Variants in GRIK5 observed in about 807,000 individuals in gnomAD.
The protein encoded by GRIK5 is glutamate receptor ionotropic, kainate 5.
GRIK5 carries 43 observed loss-of-function variants against 97.4 expected under a neutral mutation model. The ratio of observed to expected loss-of-function variants is 0.44; its 90% CI spans 0.35 to 0.57. The LOEUF is 0.57. Among genes scored for constraint, GRIK5 ranks in the 20% least tolerant of loss-of-function variants. The pLI is 0.01. For synonymous variants in GRIK5, 580 were observed against 583.5 expected, an observed-to-expected ratio of 0.99 and a Z score of 0.09; for missense variants, 1,015 against 1,382.0, an observed-to-expected ratio of 0.73 and a Z score of 4.21.
intron 12 of GRIK5, among the ~76,000 whole-genome samples, chr19:42,038,566 AG>A (rs1207503552): frequency 3.3e-5 from 5 of 152,250 alleles, no homozygotes; most frequent in African/African-American, 9.6e-5. Flanking sequence ...AGCTCAGACA[AG>A]GGCCTGGCAC....
chr19:42,004,169 T>C (rs1462363644), intron 17 of GRIK5, among the ~76,000 whole-genome samples: 2 of 152,172 alleles, frequency 1.3e-5, no homozygotes, highest in Non-Finnish European at 2.9e-5. Flanking sequence ...CCTGTCAGTG[T>C]CTTCCCTTTA....
Position 42,065,741 on chromosome 19 carries a change from A to C in GRIK5, c.30T>G (p.Ile10Met). The change falls in exon 2 of 20, where the codon ATT becomes ATG. Residue 10 changes from isoleucine (I) to methionine (M), a missense_variant. Coordinates refer to ENST00000593562, the MANE Select transcript of GRIK5 (RefSeq NM_002088.5). This position sits in a 1 kb window ranked among gnomAD's most constrained non-coding sequence, Gnocchi z 5.8. Reference protein sequence around the residue: MPAELLLLLIVAFASPSCQV... With the variant: MPAELLLLLMVAFASPSCQV... ...GGCAGCTGGGGCTGGCGAAGGCAAC[A>C]ATCAGCAGCAGCAGCAGCTCAGCCG... is the stretch of plus-strand genomic sequence containing the variant. 6.3e-7 allele frequency: 1 copy of C among 1,596,650 alleles called. No homozygotes were observed. Among genetic ancestry groups the C allele is most frequent in the Non-Finnish European group, 8.5e-7 (1 of 1,173,368 alleles).
intron 11 of GRIK5, among the ~76,000 whole-genome samples, chr19:42,048,298 CA>C (rs2076068278): frequency 6.6e-6 from 1 of 152,164 alleles, no homozygotes; most frequent in Admixed American, 6.5e-5. Flanking sequence ...ATACATCAGA[CA>C]AATGACTTGT....
chr19:42,060,330 C>G (rs975566385), intron 5 of GRIK5, among the ~76,000 whole-genome samples: 16 of 151,930 alleles, frequency 1.1e-4, no homozygotes, highest in Non-Finnish European at 1.3e-4. Flanking sequence ...TGAAGCAGAC[C>G]AGGTACAGGA....
At position 42,056,671 on chromosome 19, in the gene GRIK5, C is replaced by T. The variant is rs754682476; in HGVS notation, c.894G>A (p.Leu298=). 1 of 1,614,028 alleles carries T rather than the reference C, an allele frequency of 6.2e-7. No homozygotes were observed. The highest frequency in any genetic ancestry group is 8.5e-7 in the Non-Finnish European group (1 of 1,179,906). ...WRENCEASTY[L]GPALSAALMF... The stretch of plus-strand genomic sequence containing the variant: ...GTATCTGTGTGCTCACCGCAGGGCC[C>T]AGGTAGGTGCTGGCTTCACAGTTCT... Residue 298 remains leucine, a synonymous_variant, in exon 8 of 20, where the codon CTG becomes CTA. Transcript: ENST00000593562.
At position 42,065,780 on chromosome 19, in the gene GRIK5, C is replaced by T. The variant is rs1157206976; in HGVS notation, c.-10G>A. 6.4e-7 allele frequency: 1 copy of T among 1,571,602 alleles called. No individual in the cohort carries two copies. The highest frequency in any genetic ancestry group is 8.6e-7 in the Non-Finnish European group (1 of 1,161,288). On this transcript the variant is annotated 5_prime_UTR_variant, in exon 2 of 20. Coordinates refer to ENST00000593562, the MANE Select transcript of GRIK5 (RefSeq NM_002088.5). This position sits in a 1 kb window ranked among gnomAD's most constrained non-coding sequence, Gnocchi z 5.8. ...GCAGCTCAGCCGGCATCTTCCTCCC[C>T]TCCTCATGGGGACGCAGCTGCCGCG...
intron 15 of GRIK5, among the ~76,000 whole-genome samples, chr19:42,019,473 T>C (rs1319535893): frequency 4.6e-5 from 7 of 152,226 alleles, no homozygotes; most frequent in African/African-American, 1.7e-4. Flanking sequence ...TACATTTCAC[T>C]TGGACTGTGT....
intron 12 of GRIK5, among the ~76,000 whole-genome samples, chr19:42,023,860 CTCACAT>C (rs1405140900): frequency 6.6e-6 from 1 of 152,206 alleles, no homozygotes; most frequent in East Asian, 1.9e-4. Context: ...CAGTCCATTC[CTCACAT>C]ATAAGCCAAG....
At chr19:42,056,881 T>A in intron 7 of GRIK5, 44 bp downstream of exon 7, 3 of 1,611,568 alleles carry the variant, frequency 1.9e-6, no homozygotes, top group Non-Finnish European at 2.5e-6. Flanking sequence ...ACAGCTGTGA[T>A]GGGAAGGAAG....
Position 42,062,640 on chromosome 19 carries a change from T to C in GRIK5, c.356A>G (p.Lys119Arg). ...ICGEKEIPHI[K>R]VGPEETPRLQ... Reference sequence around the variant, plus strand: ...GCGGGGTGTCTCCTCGGGACCCACCTTGATGTGGGGGATCTGGACAGAGAG... The same window carrying C: ...GCGGGGTGTCTCCTCGGGACCCACCCTGATGTGGGGGATCTGGACAGAGAG... The change falls in exon 5 of 20, where the codon AAG becomes AGG. Residue 119 changes from lysine to arginine, a missense_variant. Lys to Arg is a conservative substitution (Grantham distance 26). This residue lies in a region of GRIK5 where 198 missense variants were observed against 218.2 expected (regional missense o/e 0.91). Transcript: ENST00000593562. This position sits in a 1 kb window ranked among gnomAD's most constrained non-coding sequence, Gnocchi z 5.3. 6.2e-7 allele frequency: 1 copy of C among 1,614,102 alleles called. No homozygotes were observed. Among genetic ancestry groups the C allele is most frequent in the Non-Finnish European group, 8.5e-7 (1 of 1,179,982 alleles).
At chr19:42,050,921 TGC>T (rs2076107160) in intron 11 of GRIK5, among the ~76,000 whole-genome samples, 1 of 152,084 alleles carries the variant, frequency 6.6e-6, no homozygotes, top group Non-Finnish European at 1.5e-5. Context: ...CCTTGGGCAC[TGC>T]AAGGGCCTTC....
Position 42,042,785 on chromosome 19 carries a change from AGGCTGGGTGTCTAGT to A in GRIK5, c.1270-45_1270-31del. 1.3e-6 allele frequency: 2 copies of A among 1,578,332 alleles called. No individual in the cohort carries two copies. Among genetic ancestry groups the A allele is most frequent in the East Asian group, 2.3e-5 (1 of 44,272 alleles). On this transcript the variant is annotated intron_variant, in intron 11 of 19. Transcript: ENST00000593562. The surrounding 1 kb of genome is among the most constrained non-coding windows in gnomAD (Gnocchi z 6.9). ...GTGGGCAGAAGAAAGCAGGGGTCAG[AGGCTGGGTGTCTAGT>A]GGCTGGGTTGCGGATCCTGGAGCCC...
chr19:42,042,865 G>A lies in GRIK5; in HGVS notation c.1270-110C>T, dbSNP rs1264870678. The A allele has an allele frequency of 1.0e-5, 8 of 772,798 alleles. No individual in the cohort carries two copies. The highest frequency in any genetic ancestry group is 4.9e-5 in the Admixed American group (2 of 40,628). 47.9% of individuals were successfully genotyped at this position (772,798 alleles called of 1,614,324 possible). On this transcript the variant is annotated intron_variant, in intron 11 of 19. Coordinates refer to ENST00000593562, the MANE Select transcript of GRIK5 (RefSeq NM_002088.5). This position sits in a 1 kb window ranked among gnomAD's most constrained non-coding sequence, Gnocchi z 6.9. ...GAGCAGGAATCTGCTTGCTGAGCACGGTTGATTTATTCATAGTACACATTT... is the reference window on the plus strand; with the variant it reads ...GAGCAGGAATCTGCTTGCTGAGCACAGTTGATTTATTCATAGTACACATTT...
chr19:42,033,852 T>C (rs2075869555), intron 12 of GRIK5, among the ~76,000 whole-genome samples: 1 of 152,018 alleles, frequency 6.6e-6, no homozygotes, highest in African/African-American at 2.4e-5. Flanking sequence ...ATATAAAAAT[T>C]AGCCAGGCAT....
Position 42,041,983 on chromosome 19 carries a change from G to A in GRIK5, c.1473+569C>T, listed in dbSNP as rs1222831204. ...CCCCAAAGAGACTCTAAGCTCTTGGGGGCAGGGTCCAGATCCACTGTGCTC... is the reference window on the plus strand; with the variant it reads ...CCCCAAAGAGACTCTAAGCTCTTGGAGGCAGGGTCCAGATCCACTGTGCTC... On this transcript the variant is annotated intron_variant, in intron 12 of 19. Transcript: ENST00000593562. Among the ~76,000 whole-genome samples, 4 of 152,086 alleles carry A rather than the reference G, an allele frequency of 2.6e-5. No homozygotes were observed. In the East Asian group the frequency reaches 7.7e-4, roughly 29 times the overall value.
Position 42,054,426 on chromosome 19 carries a change from G to A in GRIK5, c.950C>T (p.Ala317Val), listed in dbSNP as rs1254994835. The A allele has an allele frequency of 6.2e-7, 1 of 1,613,638 alleles. No individual in the cohort carries two copies. Among genetic ancestry groups the A allele is most frequent in the Non-Finnish European group, 8.5e-7 (1 of 1,180,000 alleles). Residue 317 changes from alanine to valine, a missense_variant, in exon 9 of 20, where the codon GCT (alanine) becomes GTT (valine). Physicochemically the swap from Ala to Val is moderately conservative, Grantham distance 64. Transcript: ENST00000593562. ...MFDAVHVVVS[A>V]VRELNRSQEI... The stretch of plus-strand genomic sequence containing the variant: ...CTGGCTGCGGTTCAGCTCTCGGACA[G>A]CGCTCACCACCACGTGCACGGCGTC...
chr19:42,024,142 GC>G (rs1302021946), intron 12 of GRIK5, among the ~76,000 whole-genome samples: 2 of 150,160 alleles, frequency 1.3e-5, no homozygotes, highest in African/African-American at 2.5e-5. Context: ...CACCCCTTCA[GC>G]CCTCCCCAAA....
At chr19:42,009,406 A>T (rs957183967) in intron 15 of GRIK5, among the ~76,000 whole-genome samples, 1 of 151,180 alleles carries the variant, frequency 6.6e-6, no homozygotes, top group Non-Finnish European at 1.5e-5. Flanking sequence ...CCATGCCCAG[A>T]TAATTTTTGT....
intron 19 of GRIK5, chr19:42,001,686 T>C (rs1449682968): frequency 6.0e-6 from 1 of 165,438 alleles, no homozygotes; most frequent in African/African-American, 2.4e-5. Context: ...CCAAAAAACA[T>C]GACTATGACC....
Sources: gnomAD v4.1 joint callset for allele counts (sites outside exome capture counted in the v4.1 genomes callset) on GRCh38, gnomAD v4.1.1 for gene constraint, gnomAD v4.1.1 regional missense constraint, Gnocchi (gnomAD v3.1) non-coding constraint, MANE v1.5 for transcripts, NCBI Gene and HGNC (gene_info 2026-07-23, HGNC 2026-07-21) for gene names.